The following SUCLG2 variants were observed in gnomAD, a reference collection of about 807,000 sequenced individuals.
SUCLG2 encodes succinate-CoA ligase GDP-forming subunit beta.
Under a neutral mutation model 47.9 loss-of-function variants are expected in SUCLG2, and 42 were observed. The observed-to-expected ratio is 0.88, with a 90% CI of 0.69 to 1.14. SUCLG2 has a LOEUF of 1.14. SUCLG2 is among the 50% of genes most tolerant of loss of function. The pLI is 0.00. For synonymous variants in SUCLG2, 195 were observed against 197.3 expected, an observed-to-expected ratio of 0.99 and a Z score of 0.10; for missense variants, 571 against 525.9, an observed-to-expected ratio of 1.09 and a Z score of -0.84.
chr3:67,479,274 C>CA (rs1022600363), intron 9 of SUCLG2, among the ~76,000 whole-genome samples: 4 of 149,468 alleles, frequency 2.7e-5, no homozygotes, highest in African/African-American at 9.9e-5. Context: ...GGAGCTTGTA[C>CA]AAAGAGCCAT....
chr3:67,478,563 G>T (rs1704827661), intron 9 of SUCLG2, among the ~76,000 whole-genome samples: 1 of 152,192 alleles, frequency 6.6e-6, no homozygotes, highest in African/African-American at 2.4e-5. Flanking sequence ...TTGATCCCTG[G>T]TTGTTTTCAC....
intron 1 of SUCLG2, among the ~76,000 whole-genome samples, chr3:67,612,704 T>G (rs903951907): frequency 3.3e-5 from 5 of 152,158 alleles, no homozygotes; most frequent in African/African-American, 1.2e-4. Flanking sequence ...CAGCTGAAGT[T>G]AGGCGATGCC....
chr3:67,541,720 T>A (rs1191952135), intron 2 of SUCLG2, among the ~76,000 whole-genome samples: 1 of 152,116 alleles, frequency 6.6e-6, no homozygotes, highest in African/African-American at 2.4e-5. Flanking sequence ...ATTGTCAGAT[T>A]CACCAAGGTT....
At chr3:67,436,323 A>G (rs991732597) in intron 9 of SUCLG2, among the ~76,000 whole-genome samples, 7 of 152,180 alleles carry the variant, frequency 4.6e-5, no homozygotes, top group African/African-American at 1.2e-4. Context: ...CCAGACACCC[A>G]TATCACAGTG....
At chr3:67,410,684 TA>T (rs908116819) in intron 9 of SUCLG2, among the ~76,000 whole-genome samples, 7 of 149,834 alleles carry the variant, frequency 4.7e-5, no homozygotes, top group African/African-American at 7.3e-5. Flanking sequence ...TATTCAAAGC[TA>T]AAAAAAAATA....
At chr3:67,532,667 T>C (rs1354599849) in intron 2 of SUCLG2, among the ~76,000 whole-genome samples, 1 of 151,776 alleles carries the variant, frequency 6.6e-6, no homozygotes, top group African/African-American at 2.4e-5. Flanking sequence ...TATTAGAATT[T>C]ACATATATTT....
chr3:67,524,829 T>C (rs1575754492), intron 4 of SUCLG2, among the ~76,000 whole-genome samples: 1 of 152,208 alleles, frequency 6.6e-6, no homozygotes, highest in East Asian at 1.9e-4. Flanking sequence ...GAGTCTCCTA[T>C]GTTTTCTTTG....
chr3:67,561,301 T>C (rs1223458142), intron 2 of SUCLG2, among the ~76,000 whole-genome samples: 1 of 152,114 alleles, frequency 6.6e-6, no homozygotes, highest in African/African-American at 2.4e-5. Context: ...TTATTTACTC[T>C]CATGCTGGTG....
intron 10 of SUCLG2, among the ~76,000 whole-genome samples, chr3:67,394,686 T>G (rs1702479449): frequency 6.6e-6 from 1 of 150,814 alleles, no homozygotes; most frequent in Non-Finnish European, 1.5e-5. Flanking sequence ...TCAAAGATAC[T>G]CCTCGAGAAG....
At chr3:67,446,502 C>T (rs149883722) in intron 9 of SUCLG2, among the ~76,000 whole-genome samples, 19 of 131,254 alleles carry the variant, frequency 1.4e-4, no homozygotes, top group African/African-American at 4.9e-4. Flanking sequence ...ATGATCTCCG[C>T]TAACTGCAAC....
chr3:67,556,518 T>A (rs906697210), intron 2 of SUCLG2, among the ~76,000 whole-genome samples: 2 of 152,206 alleles, frequency 1.3e-5, no homozygotes, highest in South Asian at 2.1e-4. Flanking sequence ...GAGAATTAAA[T>A]TTTTAAAATA....
At chr3:67,391,543 G>C (rs573232264) in intron 10 of SUCLG2, among the ~76,000 whole-genome samples, 95 of 152,156 alleles carry the variant, frequency 6.2e-4, no homozygotes, top group Non-Finnish European at 1.0e-3. Context: ...AGTTATGCTA[G>C]GTTCTAAGAC....
intron 9 of SUCLG2, among the ~76,000 whole-genome samples, chr3:67,480,180 T>A (rs552358118): frequency 2.0e-5 from 3 of 152,322 alleles, no homozygotes; most frequent in South Asian, 2.1e-4. Flanking sequence ...AACAGGACTT[T>A]CTGTGTTGTC....
intron 10 of SUCLG2, among the ~76,000 whole-genome samples, chr3:67,382,353 G>A (rs1350472094): frequency 1.3e-5 from 2 of 152,174 alleles, no homozygotes; most frequent in Non-Finnish European, 2.9e-5. Context: ...TCACCTGAGG[G>A]TAAAGCCACA....
chr3:67,430,066 C>G (rs1703435304), intron 9 of SUCLG2, among the ~76,000 whole-genome samples: 1 of 151,954 alleles, frequency 6.6e-6, no homozygotes, highest in Non-Finnish European at 1.5e-5. Context: ...ACAAGGATAC[C>G]CAGGAATTGA....
At chr3:67,645,799 CCT>C (rs1701180554) in intron 1 of SUCLG2, among the ~76,000 whole-genome samples, 1 of 151,538 alleles carries the variant, frequency 6.6e-6, no homozygotes, top group African/African-American at 2.4e-5. Flanking sequence ...TGGTTTTCCC[CCT>C]TTCTTTCAAA....
At chr3:67,406,670 T>C (rs770463815) in intron 9 of SUCLG2, among the ~76,000 whole-genome samples, 10 of 151,998 alleles carry the variant, frequency 6.6e-5, no homozygotes, top group Admixed American at 2.6e-4. Flanking sequence ...GCCTGAGAAG[T>C]AGAGTGATGG....
intron 2 of SUCLG2, among the ~76,000 whole-genome samples, chr3:67,609,159 A>C (rs1199319225): frequency 6.6e-6 from 1 of 152,190 alleles, no homozygotes; most frequent in Non-Finnish European, 1.5e-5. Context: ...CATCACACTG[A>C]AGGCTGTCCT....
At chr3:67,545,048 A>G (rs1360566082) in intron 2 of SUCLG2, among the ~76,000 whole-genome samples, 1 of 152,194 alleles carries the variant, frequency 6.6e-6, no homozygotes, top group Non-Finnish European at 1.5e-5. Context: ...ACTCTCAGAT[A>G]AAACAGCCCC....
Sources: gnomAD v4.1 joint callset for allele counts (sites outside exome capture counted in the v4.1 genomes callset) on GRCh38, gnomAD v4.1.1 for gene constraint, MANE v1.5 for transcripts, NCBI Gene and HGNC (gene_info 2026-07-23, HGNC 2026-07-21) for gene names.